The following PTPN4 variants were observed in gnomAD, a reference collection of about 807,000 sequenced individuals.
PTPN4 encodes tyrosine-protein phosphatase non-receptor type 4.
In PTPN4, 49 loss-of-function variants were observed where a neutral mutation model predicts 135.5. The observed-to-expected ratio is 0.36, with a 90% CI of 0.29 to 0.46. The LOEUF is 0.46. Among genes scored for constraint, PTPN4 ranks in the 20% least tolerant of loss-of-function variants. The pLI is 1.00. For missense variants in PTPN4, 860 were observed against 1,101.0 expected, an observed-to-expected ratio of 0.78 and a Z score of 3.10; for synonymous variants, 333 against 369.9, an observed-to-expected ratio of 0.90 and a Z score of 1.14.
chr2:119,802,477 A>AT (rs1004381151), intron 1 of PTPN4, among the ~76,000 whole-genome samples: 12 of 152,052 alleles, frequency 7.9e-5, no homozygotes, highest in Admixed American at 6.6e-4. Context: ...AGGTCATGTG[A>AT]TTTTTCTCCC....
At chr2:119,958,082 C>G (rs1679314027) in intron 22 of PTPN4, among the ~76,000 whole-genome samples, 1 of 151,706 alleles carries the variant, frequency 6.6e-6, no homozygotes, top group Non-Finnish European at 1.5e-5. Context: ...CTAGAAAAAG[C>G]TTATTTAATA....
At chr2:119,846,901 G>T (rs1034239101) in intron 2 of PTPN4, among the ~76,000 whole-genome samples, 1 of 150,468 alleles carries the variant, frequency 6.6e-6, no homozygotes, top group African/African-American at 2.4e-5. Context: ...TCCCCTTCTT[G>T]TGCTATTATT....
rs778747685 is a variant in PTPN4, at chr2:119,877,557, A to G, written c.368+15A>G. The G allele has an allele frequency of 3.7e-5, 58 of 1,565,710 alleles. No individual in the cohort carries two copies. Among genetic ancestry groups the G allele is most frequent in the Middle Eastern group, 4.4e-4 (2 of 4,578 alleles). On this transcript the variant is annotated intron_variant, in intron 5 of 26. Coordinates refer to ENST00000263708, the MANE Select transcript of PTPN4 (RefSeq NM_002830.4). ...GAATATACAAGGTGGGTTTATGGATATATTTTTCTTGAAAATATTGTCAAA... is the reference window on the plus strand; with the variant it reads ...GAATATACAAGGTGGGTTTATGGATGTATTTTTCTTGAAAATATTGTCAAA...
intron 26 of PTPN4, among the ~76,000 whole-genome samples, chr2:119,976,403 ATATAT>A (rs1679619469): frequency 6.6e-6 from 1 of 152,130 alleles, no homozygotes; most frequent in Non-Finnish European, 1.5e-5. Flanking sequence ...AGGTAATATA[ATATAT>A]TATACGTACT....
At chr2:119,821,221 T>C (rs759262153) in intron 2 of PTPN4, among the ~76,000 whole-genome samples, 4 of 151,890 alleles carry the variant, frequency 2.6e-5, no homozygotes, top group Non-Finnish European at 4.4e-5. Flanking sequence ...GCCTCCCAAG[T>C]AGCTGGGACT....
intron 2 of PTPN4, among the ~76,000 whole-genome samples, chr2:119,811,497 G>C (rs1676871649): frequency 6.6e-6 from 1 of 152,020 alleles, no homozygotes. Context: ...TATATAGTTG[G>C]AATATAGGTT....
chr2:119,764,301 C>T (rs1156688873), intron 1 of PTPN4, among the ~76,000 whole-genome samples: 1 of 152,152 alleles, frequency 6.6e-6, no homozygotes, highest in Non-Finnish European at 1.5e-5. Context: ...GCCACCTTCC[C>T]GTTTAAAAAT....
intron 26 of PTPN4, among the ~76,000 whole-genome samples, chr2:119,973,655 G>GTTTTGTTTTTTTTTTTTTTTTTTT (rs1679569000): frequency 2.6e-5 from 1 of 38,394 alleles, no homozygotes; most frequent in African/African-American, 1.3e-4. Flanking sequence ...TTCATTTCTT[G>GTTTTGTTTTTTTTTTTTTTTTTTT]TTTTTTTTTT....
At chr2:119,917,928 A>G (rs1370729544) in intron 11 of PTPN4, among the ~76,000 whole-genome samples, 1 of 152,206 alleles carries the variant, frequency 6.6e-6, no homozygotes, top group Non-Finnish European at 1.5e-5. Flanking sequence ...CATTTCAAAT[A>G]TAATTGATAG....
At chr2:119,790,832 T>C (rs191443592) in intron 1 of PTPN4, among the ~76,000 whole-genome samples, 77 of 152,310 alleles carry the variant, frequency 5.1e-4, no homozygotes, top group Non-Finnish European at 5.9e-5. Flanking sequence ...TTTATTTCAC[T>C]GTATCTTTTC....
rs1679113840 is a variant in PTPN4 at position 119,945,144 on chromosome 2, C to T, written c.1419C>T (p.Asn473=). Reference sequence around the variant, plus strand: ...TACCACCCAAACAGTCAAAGAAAAACAGTTGGAACCAAATTCATTATTCAC... The same window carrying T: ...TACCACCCAAACAGTCAAAGAAAAATAGTTGGAACCAAATTCATTATTCAC... ...PALPPKQSKK[N]SWNQIHYSHS... is the part of the protein sequence containing the mutation. The change falls in exon 16 of 27, where the codon AAC becomes AAT. Residue 473 remains asparagine (N), a synonymous_variant. Coordinates refer to ENST00000263708, the MANE Select transcript of PTPN4 (RefSeq NM_002830.4). The T allele has an allele frequency of 6.2e-7, 1 of 1,604,254 alleles. No individual in the cohort carries two copies. Among genetic ancestry groups the T allele is most frequent in the Admixed American group, 1.7e-5 (1 of 58,412 alleles).
intron 18 of PTPN4, among the ~76,000 whole-genome samples, chr2:119,948,217 G>A (rs1418625118): frequency 6.6e-6 from 1 of 152,044 alleles, no homozygotes; most frequent in African/African-American, 2.4e-5. Context: ...TATCTATCAT[G>A]TACAAAGTTA....
chr2:119,877,200 C>A, intron 3 of PTPN4, 123 bp from the exon 4 acceptor site: 1 of 984,688 alleles, frequency 1.0e-6, no homozygotes, highest in Non-Finnish European at 1.5e-6. Context: ...GATTTTTTTC[C>A]TACCTGGGCC....
At chr2:119,800,755 T>C in intron 1 of PTPN4, among the ~76,000 whole-genome samples, 1 of 152,196 alleles carries the variant, frequency 6.6e-6, no homozygotes, top group Non-Finnish European at 1.5e-5. Context: ...GAGGTTTAGG[T>C]TGAGGTTCAT....
At position 119,862,516 on chromosome 2, in the gene PTPN4, A is replaced by ATTTTTT; in HGVS notation, c.139-10_139-5dup. ...AACCTATCAAAGTTGATTTCATTCA[A>ATTTTTT]TTTTTTTTTTTTTTTACAGAAACAT... On this transcript the variant is annotated intron_variant, in intron 2 of 26. Transcript: ENST00000263708. 1 of 1,357,676 alleles carries ATTTTTT rather than the reference A, an allele frequency of 7.4e-7. No homozygotes were observed. Among genetic ancestry groups the ATTTTTT allele is most frequent in the South Asian group, 1.3e-5 (1 of 77,910 alleles). 84.1% of individuals were successfully genotyped at this position (1,357,676 alleles called of 1,614,324 possible).
chr2:119,912,574 G>T (rs930110636), intron 10 of PTPN4, among the ~76,000 whole-genome samples: 2 of 152,050 alleles, frequency 1.3e-5, no homozygotes, highest in African/African-American at 4.8e-5. Flanking sequence ...TACATAATTG[G>T]CATTCCAGTA....
intron 1 of PTPN4, among the ~76,000 whole-genome samples, chr2:119,765,016 G>C (rs1049943728): frequency 6.6e-6 from 1 of 152,040 alleles, no homozygotes; most frequent in Admixed American, 6.6e-5. Context: ...CAAAAACCTC[G>C]GGCAAACTGT....
intron 2 of PTPN4, among the ~76,000 whole-genome samples, chr2:119,826,911 C>T (rs530469573): frequency 6.6e-6 from 1 of 152,198 alleles, no homozygotes; most frequent in African/African-American, 2.4e-5. Flanking sequence ...CACCTGTAGT[C>T]CTAACTGCTT....
In PTPN4 at chr2:119,764,223, T is replaced by C. The variant is rs184957110; in HGVS notation, c.-18+3839T>C. 3.3e-3 allele frequency among the ~76,000 whole-genome samples: 495 copies of C among 152,296 alleles called. 2 individuals carry two copies. The highest frequency in any genetic ancestry group is 0.011 in the African/African-American group (468 of 41,554). ...CCTCCCCAACTGTTCGGCAAAAACA[T>C]TGTGTAACTCAAGGCAGTACTTTAT... On this transcript the variant is annotated intron_variant, in intron 1 of 26. Transcript: ENST00000263708.
Sources: allele counts gnomAD v4.1 joint callset (sites outside exome capture counted in the v4.1 genomes callset), GRCh38; gene constraint gnomAD v4.1.1; transcripts MANE v1.5; gene names NCBI Gene and HGNC (gene_info 2026-07-23, HGNC 2026-07-21).